FANCL: variants seen among roughly 807,000 people sequenced by gnomAD.
FANCL encodes FA complementation group L, also known as E3 ubiquitin-protein ligase FANCL.
FANCL carries 69 observed loss-of-function variants against 59.4 expected under a neutral mutation model. That is an observed-to-expected ratio of 1.16 (90% CI 0.96 to 1.42). The LOEUF (loss-of-function observed/expected upper bound fraction) is 1.42, where lower values mean the gene tolerates loss of function less well. FANCL is among the 40% of genes most tolerant of loss of function. FANCL has a pLI of 0.00. For synonymous variants in FANCL, 180 were observed against 147.1 expected (o/e 1.22, Z -1.62); for missense variants, 519 against 447.2 (o/e 1.16, Z -1.45).
At chr2:58,219,076 C>G (rs1448045042) in intron 5 of FANCL, among the ~76,000 whole-genome samples, 3 of 132,842 alleles carry the variant, frequency 2.3e-5, no homozygotes, top group Non-Finnish European at 3.1e-5. Context: ...GGAAAAATGG[C>G]TGATTCTAGG....
chr2:58,228,527 G>A (rs555085150), intron 3 of FANCL, among the ~76,000 whole-genome samples: 230 of 152,324 alleles, frequency 1.5e-3, no homozygotes, highest in African/African-American at 5.3e-3. Context: ...TTATTGGCAT[G>A]TAGCCATACA....
chr2:58,170,353 A>C (rs540646952), intron 7 of FANCL, among the ~76,000 whole-genome samples: 1 of 152,340 alleles, frequency 6.6e-6, no homozygotes, highest in East Asian at 1.9e-4. Context: ...TCTTGTCACC[A>C]CCAGGCCTGC....
At chr2:58,199,511 C>T (rs1689783416) in intron 6 of FANCL, among the ~76,000 whole-genome samples, 1 of 151,936 alleles carries the variant, frequency 6.6e-6, no homozygotes, top group Non-Finnish European at 1.5e-5. Flanking sequence ...TATCTTCTGG[C>T]TTATTAAGAA....
chr2:58,192,388 T>C (rs1015707494), intron 7 of FANCL, among the ~76,000 whole-genome samples: 2 of 151,924 alleles, frequency 1.3e-5, no homozygotes, highest in Admixed American at 6.6e-5. Context: ...GAAATACCAT[T>C]GGTATTTTAG....
At chr2:58,187,509 T>C (rs1688522539) in intron 7 of FANCL, among the ~76,000 whole-genome samples, 1 of 151,810 alleles carries the variant, frequency 6.6e-6, no homozygotes, top group African/African-American at 2.4e-5. Flanking sequence ...GGCCCATGTA[T>C]ACATATGTAA....
chr2:58,175,679 C>G (rs1403353493), intron 7 of FANCL, among the ~76,000 whole-genome samples: 5 of 152,126 alleles, frequency 3.3e-5, no homozygotes, highest in African/African-American at 1.2e-4. Context: ...GCCAATATCA[C>G]AGTGAATGGG....
intron 10 of FANCL, 34 bp downstream of exon 10, chr2:58,162,995 C>G (rs777259158): frequency 8.7e-6 from 14 of 1,611,708 alleles, no homozygotes; most frequent in Non-Finnish European, 1.2e-5. Context: ...GTAAAATCAC[C>G]AAAAAGTAAA....
At chr2:58,224,739 T>C (rs1390880967) in intron 4 of FANCL, among the ~76,000 whole-genome samples, 1 of 151,684 alleles carries the variant, frequency 6.6e-6, no homozygotes, top group Non-Finnish European at 1.5e-5. Context: ...ATATAACAAG[T>C]AGAACATAAC....
Position 58,217,142 on chromosome 2 carries a change from G to T in FANCL, c.374+4800C>A, listed in dbSNP as rs1433070082. Among the ~76,000 whole-genome samples the T allele has an allele frequency of 3.1e-3, 203 of 64,886 alleles. 3 individuals carry two copies. Among genetic ancestry groups the T allele is most frequent in the African/African-American group, 6.8e-3 (141 of 20,594 alleles). The allele number at this position is 64,886 out of a possible 152,430, so 42.6% of individuals were successfully genotyped here. A position where few individuals can be genotyped will look rare whatever the true frequency, so the allele number is the denominator to read the frequency against. On this transcript the variant is annotated intron_variant, in intron 5 of 13. Coordinates refer to ENST00000233741, the MANE Select transcript of FANCL (RefSeq NM_018062.4). ...ACATATATATATATTTTTATATATA[G>T]ATTTATATATATATTTATATATTTT...
chr2:58,169,888 G>A (rs561158668), intron 7 of FANCL, among the ~76,000 whole-genome samples: 1 of 152,236 alleles, frequency 6.6e-6, no homozygotes, highest in Non-Finnish European at 1.5e-5. Flanking sequence ...AAGCCTCCAA[G>A]AAATATCAGA....
chr2:58,204,242 G>C lies in FANCL; in HGVS notation c.375-16C>G, dbSNP rs1400979712. 2 of 1,598,862 alleles carry C rather than the reference G, an allele frequency of 1.3e-6. No homozygotes were observed. The highest frequency in any genetic ancestry group is 8.6e-7 in the Non-Finnish European group (1 of 1,166,366). On this transcript the variant is annotated splice_polypyrimidine_tract_variant and intron_variant, in intron 5 of 13. Transcript: ENST00000233741. ...ATACACAAGTCTGGTGAGCAGAGGA[G>C]AATAAAAAATGATCACACCGGGGAG...
At chr2:58,228,784 G>A (rs1415944889) in intron 3 of FANCL, among the ~76,000 whole-genome samples, 1 of 152,154 alleles carries the variant, frequency 6.6e-6, no homozygotes, top group South Asian at 2.1e-4. Flanking sequence ...GGGGGGCAAG[G>A]AAAGATAAAT....
chr2:58,239,594 G>A (rs190548194), intron 1 of FANCL, among the ~76,000 whole-genome samples: 61 of 152,244 alleles, frequency 4.0e-4, no homozygotes, highest in Admixed American at 6.5e-4. Flanking sequence ...TTGAAATATG[G>A]ACTCTATCTT....
At chr2:58,223,542 A>ACTC (rs2103784804) in intron 4 of FANCL, among the ~76,000 whole-genome samples, 1 of 152,124 alleles carries the variant, frequency 6.6e-6, no homozygotes, top group Non-Finnish European at 1.5e-5. Context: ...CAGGTAAGTT[A>ACTC]CTCCTACTGT....
At chr2:58,193,312 C>T (rs1299512004) in intron 7 of FANCL, among the ~76,000 whole-genome samples, 2 of 152,058 alleles carry the variant, frequency 1.3e-5, no homozygotes, top group East Asian at 1.9e-4. Context: ...CACCTCAATA[C>T]TACTGCCTAA....
chr2:58,239,048 C>T (rs1023281426), intron 1 of FANCL, among the ~76,000 whole-genome samples: 1 of 152,172 alleles, frequency 6.6e-6, no homozygotes. Context: ...GGCAATGCTA[C>T]TCCTTATAAT....
intron 5 of FANCL, among the ~76,000 whole-genome samples, chr2:58,221,079 G>A (rs1338338136): frequency 6.6e-6 from 1 of 152,010 alleles, no homozygotes. Flanking sequence ...CGGTCGTGGT[G>A]GCAGGCGCCT....
chr2:58,165,912 C>T, intron 7 of FANCL, 38 bp from the exon 8 acceptor site: 1 of 1,588,108 alleles, frequency 6.3e-7, no homozygotes. Context: ...TTATATGGTA[C>T]TCTACCAATA....
At position 58,159,692 on chromosome 2, in the gene FANCL, G is replaced by T; in HGVS notation, c.*73C>A. ...GTATTTCTTGCTTTATTTTTTCTCTGAAGATGATACCAAAATTCCTTTTGA... is the reference window on the plus strand; with the variant it reads ...GTATTTCTTGCTTTATTTTTTCTCTTAAGATGATACCAAAATTCCTTTTGA... On this transcript the variant is annotated 3_prime_UTR_variant, in exon 14 of 14. Transcript: ENST00000233741. 1 of 1,612,358 alleles carries T rather than the reference G, an allele frequency of 6.2e-7. No individual in the cohort carries two copies. The highest frequency in any genetic ancestry group is 8.5e-7 in the Non-Finnish European group (1 of 1,179,382).
Sources: gnomAD v4.1 joint callset for allele counts (sites outside exome capture counted in the v4.1 genomes callset) on GRCh38, gnomAD v4.1.1 for gene constraint, MANE v1.5 for transcripts, NCBI Gene and HGNC (gene_info 2026-07-23, HGNC 2026-07-21) for gene names.